Variants in KLRG1 observed in about 807,000 individuals in gnomAD.
The protein encoded by KLRG1 is killer cell lectin like receptor G1.
KLRG1 carries 16 observed loss-of-function variants against 21.8 expected under a neutral mutation model. The observed-to-expected ratio is 0.73, with a 90% CI of 0.50 to 1.11. The LOEUF is 1.11. KLRG1 is among the 50% of genes most tolerant of loss of function. The pLI is 0.00. For missense variants in KLRG1, 173 were observed against 218.3 expected (o/e 0.79, Z 1.31); for synonymous variants, 69 against 75.9 (o/e 0.91, Z 0.47).
chr12:9,074,431 A>G, the KLRG1 span: 1 of 869,582 alleles, frequency 1.1e-6, no homozygotes, highest in Non-Finnish European at 1.8e-6. Context: ...ATCCTTGGAT[A>G]CTGAAAACTT....
At chr12:9,101,003 A>G in the KLRG1 span, 1 of 736,342 alleles carries the variant, frequency 1.4e-6, no homozygotes, top group Admixed American at 2.8e-5. Context: ...CTACCAAAGA[A>G]TTTATTCATT....
intron 1 of KLRG1, among the ~76,000 whole-genome samples, chr12:8,955,458 A>G (rs1049024372): frequency 1.5e-5 from 2 of 129,152 alleles, no homozygotes; most frequent in Admixed American, 9.1e-5. Flanking sequence ...TGGTGCAAAC[A>G]TGGCTCACTG....
At chr12:9,013,067 A>G (rs1041505780), downstream of KLRG1, among the ~76,000 whole-genome samples, 4 of 152,190 alleles carry the variant, frequency 2.6e-5, no homozygotes, top group Non-Finnish European at 4.4e-5. Flanking sequence ...TCTGCCTGGT[A>G]ATCTAGTAAA....
the KLRG1 span, chr12:9,169,354 T>C: frequency 1.2e-4 from 168 of 1,345,434 alleles, no homozygotes; most frequent in African/African-American, 2.4e-3. Context: ...ATTACTAAGA[T>C]TATGAATAGA....
At chr12:8,994,221 G>T (rs1947062841) in intron 2 of KLRG1, among the ~76,000 whole-genome samples, 1 of 152,042 alleles carries the variant, frequency 6.6e-6, no homozygotes, top group Admixed American at 6.6e-5. Context: ...GTGCCACCAT[G>T]CCCAGCTGAT....
the KLRG1 span, among the ~76,000 whole-genome samples, chr12:9,154,292 A>G: frequency 1.9e-4 from 29 of 152,312 alleles, no homozygotes; most frequent in African/African-American, 6.7e-4. Flanking sequence ...TCCTTTTACA[A>G]CGATGATGTG....
At chr12:8,998,149 T>C (rs765262953) in intron 3 of KLRG1, among the ~76,000 whole-genome samples, 25 of 151,686 alleles carry the variant, frequency 1.6e-4, no homozygotes, top group African/African-American at 5.3e-4. Context: ...GCTAACATGG[T>C]GAAACCCCAT....
chr12:9,211,447 T>C, the KLRG1 span, among the ~76,000 whole-genome samples: 82 of 152,324 alleles, frequency 5.4e-4, no homozygotes, highest in East Asian at 0.014. Flanking sequence ...TTTTTCTTAA[T>C]GGTTTCTATT....
chr12:9,201,757 A>C, the KLRG1 span, among the ~76,000 whole-genome samples: 51,951 of 151,852 alleles, frequency 0.34, 8,880 homozygotes, highest in East Asian at 0.44. Context: ...CATTTGGTTG[A>C]AAGTAAACCA....
the KLRG1 span, among the ~76,000 whole-genome samples, chr12:9,211,236 T>G: frequency 3.9e-5 from 6 of 152,172 alleles, no homozygotes; most frequent in Non-Finnish European, 8.8e-5. Flanking sequence ...CCATAATATG[T>G]GTATTTGCAT....
At chr12:9,090,048 G>C in the KLRG1 span, 1 of 1,578,874 alleles carries the variant, frequency 6.3e-7, no homozygotes, top group Admixed American at 1.7e-5. Flanking sequence ...CAGTAGAAAT[G>C]AATAGCATCT....
the KLRG1 span, among the ~76,000 whole-genome samples, chr12:9,056,603 G>T: frequency 1.3e-5 from 2 of 151,708 alleles, no homozygotes; most frequent in Non-Finnish European, 2.9e-5. Flanking sequence ...TAGGGATGGG[G>T]TCTCACTCTT....
At chr12:9,094,370 TATATAC>T in the KLRG1 span, among the ~76,000 whole-genome samples, 1 of 144,850 alleles carries the variant, frequency 6.9e-6, no homozygotes, top group African/African-American at 2.5e-5. Flanking sequence ...TATATATATA[TATATAC>T]CTATACATGC....
At chr12:9,125,278 C>T in the KLRG1 span, among the ~76,000 whole-genome samples, 2 of 152,148 alleles carry the variant, frequency 1.3e-5, no homozygotes, top group Non-Finnish European at 2.9e-5. Flanking sequence ...AGCTCATCTT[C>T]ATCTTGTCCT....
At chr12:9,143,221 T>A in the KLRG1 span, among the ~76,000 whole-genome samples, 1 of 152,178 alleles carries the variant, frequency 6.6e-6, no homozygotes, top group African/African-American at 2.4e-5. Context: ...AGATCCAAGG[T>A]GCTGTTTAAT....
chr12:9,146,195 A>C, the KLRG1 span, among the ~76,000 whole-genome samples: 3 of 152,078 alleles, frequency 2.0e-5, no homozygotes, highest in South Asian at 6.2e-4. Flanking sequence ...TAAGTTCCTT[A>C]GGTTTTCTAC....
the KLRG1 span, chr12:9,079,679 A>T: frequency 4.3e-6 from 7 of 1,613,600 alleles, no homozygotes; most frequent in African/African-American, 9.3e-5. Context: ...TGATCTCTGG[A>T]GTAAGCTGCT....
chr12:9,157,576 A>AT, the KLRG1 span, among the ~76,000 whole-genome samples: 3 of 152,334 alleles, frequency 2.0e-5, no homozygotes, highest in East Asian at 5.8e-4. Context: ...ATTGGTTTTG[A>AT]TACATAGTCT....
At chr12:9,061,726 A>G in the KLRG1 span, among the ~76,000 whole-genome samples, 5 of 152,186 alleles carry the variant, frequency 3.3e-5, no homozygotes, top group African/African-American at 1.2e-4. Flanking sequence ...AGAATCTTGG[A>G]GGCATACTAG....
Sources: gnomAD v4.1 joint callset for allele counts (sites outside exome capture counted in the v4.1 genomes callset) on GRCh38, gnomAD v4.1.1 for gene constraint, MANE v1.5 for transcripts, NCBI Gene and HGNC (gene_info 2026-07-23, HGNC 2026-07-21) for gene names.